PCDHGB1: variants seen among roughly 807,000 people sequenced by gnomAD.
The protein encoded by PCDHGB1 is protocadherin gamma-B1.
In PCDHGB1, 34 loss-of-function variants were observed where a neutral mutation model predicts 56.6. The observed-to-expected ratio is 0.60, with a 90% CI of 0.46 to 0.80. The LOEUF is 0.80. PCDHGB1 is among the 30% of genes least tolerant of loss of function. The probability of loss-of-function intolerance (pLI) is 0.00; values close to 1 mark genes in which losing one functional copy is unlikely to be tolerated. For missense variants in PCDHGB1, 1,278 were observed against 1,204.6 expected, an observed-to-expected ratio of 1.06 and a Z score of -0.90; for synonymous variants, 561 against 505.9, an observed-to-expected ratio of 1.11 and a Z score of -1.46.
intron 1 of PCDHGB1, chr5:141,408,089 G>C: frequency 7.0e-7 from 1 of 1,424,386 alleles, no homozygotes; most frequent in Non-Finnish European, 9.2e-7. Flanking sequence ...ACAGCGGATT[G>C]CCAGCTCCGA....
rs530622003 is a variant in PCDHGB1, at chr5:141,437,077, T to G, written c.2410-57730T>G. ...TGATCATTATTTGGTTTGGGCCATA[T>G]AAGAATTGAAACTAACGGCTTAGCT... On this transcript the variant is annotated intron_variant, in intron 1 of 3. Transcript: ENST00000523390. Among the ~76,000 whole-genome samples, 107 of 152,372 alleles carry G rather than the reference T, an allele frequency of 7.0e-4. 1 individual carries two copies. The highest frequency in any genetic ancestry group is 6.4e-3 in the South Asian group (31 of 4,828).
chr5:141,427,822 T>C (rs1446832816), intron 1 of PCDHGB1: 1 of 1,534,220 alleles, frequency 6.5e-7, no homozygotes, highest in Non-Finnish European at 8.9e-7. Flanking sequence ...GGGGTGGTGG[T>C]CGCGCAGCGT....
At chr5:141,441,279 C>T (rs3792898) in intron 1 of PCDHGB1, 17,193 of 152,116 alleles carry the variant, frequency 0.11, 1,155 homozygotes, top group African/African-American at 0.18. Context: ...CGGGAGAAAA[C>T]GAGGTCACAT....
At chr5:141,400,747 G>GCTT (rs1302066014) in intron 1 of PCDHGB1, 9 of 602,662 alleles carry the variant, frequency 1.5e-5, no homozygotes, top group Admixed American at 6.5e-5. Context: ...TTTGCTCTTA[G>GCTT]CTTCCTCTCT....
chr5:141,393,366 G>A (rs998330932), intron 1 of PCDHGB1: 1 of 1,613,874 alleles, frequency 6.2e-7, no homozygotes, highest in African/African-American at 1.3e-5. Context: ...CGTGCAGACT[G>A]GAGACAATGG....
chr5:141,394,547 G>A, intron 1 of PCDHGB1: 8 of 1,614,098 alleles, frequency 5.0e-6, no homozygotes, highest in Non-Finnish European at 6.8e-6. Context: ...TGGAGCTGGC[G>A]CCCCGCTCCG....
chr5:141,476,587 G>A lies in PCDHGB1; in HGVS notation c.2410-18220G>A. ...CTCCGGGGACGCGCTTTCCGCTCGA[G>A]AGCGCGCACGATCCCGATGTGGGAA... On this transcript the variant is annotated intron_variant, in intron 1 of 3. Coordinates refer to ENST00000523390, the MANE Select transcript of PCDHGB1 (RefSeq NM_018922.3). The surrounding 1 kb of genome is among the most constrained non-coding windows in gnomAD (Gnocchi z 7.6). 6.2e-7 allele frequency: 1 copy of A among 1,614,234 alleles called. No homozygotes were observed. The highest frequency in any genetic ancestry group is 1.1e-5 in the South Asian group (1 of 91,086).
intron 2 of PCDHGB1, among the ~76,000 whole-genome samples, chr5:141,500,184 T>TTTTTTTTATTTATTTA (rs1554186429): frequency 7.4e-6 from 1 of 135,886 alleles, no homozygotes; most frequent in African/African-American, 2.7e-5. Flanking sequence ...TCATTTTTAT[T>TTTTTTTTATTTATTTA]TTTATTTATT....
intron 1 of PCDHGB1, chr5:141,355,919 C>T: frequency 6.2e-7 from 1 of 1,613,812 alleles, no homozygotes; most frequent in Non-Finnish European, 8.5e-7. Flanking sequence ...GATAATGCTC[C>T]CGTGTTCACT....
chr5:141,360,388 C>T, intron 1 of PCDHGB1: 3 of 1,613,908 alleles, frequency 1.9e-6, no homozygotes, highest in Non-Finnish European at 2.5e-6. Flanking sequence ...CGGAGACTTA[C>T]TTGTGAGTGA....
intron 1 of PCDHGB1, chr5:141,413,826 C>G (rs1363449): frequency 6.2e-7 from 1 of 1,613,180 alleles, no homozygotes; most frequent in Non-Finnish European, 8.5e-7. Flanking sequence ...TGGTCCTCAC[C>G]GCCTCCGACG....
At chr5:141,390,433 AT>A (rs1395897313) in intron 1 of PCDHGB1, 1 of 978,654 alleles carries the variant, frequency 1.0e-6, no homozygotes, top group East Asian at 2.6e-5. Context: ...CTGTCATATC[AT>A]TCTACAAAGG....
intron 1 of PCDHGB1, among the ~76,000 whole-genome samples, chr5:141,381,826 C>CTTTTTTTTTTTTTTTTTTTTTTTT (rs770630741): frequency 4.0e-5 from 3 of 74,284 alleles, no homozygotes; most frequent in African/African-American, 6.2e-5. Context: ...CTTTCTTCTT[C>CTTTTTTTTTTTTTTTTTTTTTTTT]TTTTTTTTTT....
At position 141,487,025 on chromosome 5, in the gene PCDHGB1, C is replaced by T. The variant is rs769789352; in HGVS notation, c.2410-7782C>T. On this transcript the variant is annotated intron_variant, in intron 1 of 3. Transcript: ENST00000523390. This position sits in a 1 kb window ranked among gnomAD's most constrained non-coding sequence, Gnocchi z 5.0. ...GCTCCTGGAGGCCCCAGATCCCAGCCTGTTTGCAGTCTCTCGATATGCTGG... is the reference window on the plus strand; with the variant it reads ...GCTCCTGGAGGCCCCAGATCCCAGCTTGTTTGCAGTCTCTCGATATGCTGG... 1.9e-6 allele frequency: 3 copies of T among 1,614,216 alleles called. No homozygotes were observed. Among genetic ancestry groups the T allele is most frequent in the Non-Finnish European group, 2.5e-6 (3 of 1,180,050 alleles).
At position 141,395,259 on chromosome 5, in the gene PCDHGB1, C is replaced by T. The variant is rs1042867033; in HGVS notation, c.2409+42590C>T. ...TCAGGTGAGTTTAGTTCTTTGCTTG[C>T]TTTTAATTTCCAGATGAATTTTATT... On this transcript the variant is annotated intron_variant, in intron 1 of 3. Transcript: ENST00000523390. The T allele has an allele frequency of 3.2e-6, 5 of 1,551,850 alleles. No homozygotes were observed. In the Admixed American group the frequency reaches 1.0e-4, roughly 32 times the overall value.
intron 1 of PCDHGB1, chr5:141,355,159 G>C (rs752051365): frequency 5.8e-6 from 9 of 1,558,856 alleles, no homozygotes; most frequent in Non-Finnish European, 7.8e-6. Context: ...GGCCTCGACA[G>C]AGGGAAAACC....
At chr5:141,398,544 G>A (rs1002395942) in intron 1 of PCDHGB1, 1 of 1,613,852 alleles carries the variant, frequency 6.2e-7, no homozygotes, top group Non-Finnish European at 8.5e-7. Flanking sequence ...ATTCCTTTGA[G>A]CTGCAAATAA....
intron 1 of PCDHGB1, chr5:141,383,770 A>G (rs776707003): frequency 6.2e-7 from 1 of 1,613,890 alleles, no homozygotes; most frequent in East Asian, 2.2e-5. Context: ...ACTTCCAAAG[A>G]TGTTTCATCT....
chr5:141,351,572 A>ATC lies in PCDHGB1; in HGVS notation c.1315_1316dup (p.Asp440ProfsTer32), dbSNP rs773449391. On this transcript the variant is annotated frameshift_variant, in exon 1 of 4. Coordinates refer to ENST00000523390, the MANE Select transcript of PCDHGB1 (RefSeq NM_018922.3). LOFTEE classifies it high-confidence loss of function. ...CTCCAGGACAAGCATCACCCTGCAC[A>ATC]TCTCCGACATCAACGACAATGCACC... 11 of 1,614,024 alleles carry ATC rather than the reference A, an allele frequency of 6.8e-6. No individual in the cohort carries two copies. Among genetic ancestry groups the ATC allele is most frequent in the Non-Finnish European group, 9.3e-6 (11 of 1,179,888 alleles).
Sources: allele counts gnomAD v4.1 joint callset (sites outside exome capture counted in the v4.1 genomes callset), GRCh38; gene constraint gnomAD v4.1.1; non-coding constraint Gnocchi (gnomAD v3.1); transcripts MANE v1.5; gene names NCBI Gene and HGNC (gene_info 2026-07-23, HGNC 2026-07-21).